GRIK4: variants seen among roughly 807,000 people sequenced by gnomAD.
GRIK4 encodes the protein glutamate receptor ionotropic, kainate 4.
GRIK4 carries 40 observed loss-of-function variants against 104.9 expected under a neutral mutation model. That is an observed-to-expected ratio of 0.38 (90% CI 0.30 to 0.50). The LOEUF is 0.50. GRIK4 is among the 20% of genes least tolerant of loss of function. The pLI is 0.93. For missense variants in GRIK4, 1,047 were observed against 1,308.1 expected, an observed-to-expected ratio of 0.80 and a Z score of 3.08; for synonymous variants, 485 against 524.9, an observed-to-expected ratio of 0.92 and a Z score of 1.04.
intron 8 of GRIK4, among the ~76,000 whole-genome samples, chr11:120,853,274 G>A (rs551965999): frequency 1.3e-5 from 2 of 152,286 alleles, no homozygotes; most frequent in Admixed American, 6.5e-5. Context: ...CTAGCCAAGG[G>A]GTTTCTGTCC....
At chr11:120,854,321 G>A (rs1262132740) in intron 8 of GRIK4, among the ~76,000 whole-genome samples, 1 of 152,194 alleles carries the variant, frequency 6.6e-6, no homozygotes, top group South Asian at 2.1e-4. Flanking sequence ...CTGTTAAGGG[G>A]GTTAAGGATT....
rs114812371 is a variant in GRIK4, at chr11:120,881,771, C to T, written c.1164+6528C>T. Among the ~76,000 whole-genome samples, 220 of 152,296 alleles carry T rather than the reference C, an allele frequency of 1.4e-3. 1 individual carries two copies. Among genetic ancestry groups the T allele is most frequent in the African/African-American group, 5.1e-3 (210 of 41,566 alleles). On this transcript the variant is annotated intron_variant, in intron 11 of 20. Coordinates refer to ENST00000527524, the MANE Select transcript of GRIK4 (RefSeq NM_014619.5). ...ACAAGCCCACACAGAGGCAGCTCTG[C>T]CCCCTTTCCGGGGGAGTTGGGATCC... is the stretch of plus-strand genomic sequence containing the variant.
chr11:120,590,053 C>T (rs776959728), intron 1 of GRIK4, among the ~76,000 whole-genome samples: 6 of 152,190 alleles, frequency 3.9e-5, no homozygotes, highest in Non-Finnish European at 5.9e-5. Context: ...GTGTCCAAGG[C>T]CAAGGTCTGG....
chr11:120,976,939 A>C (rs1565473150), intron 19 of GRIK4, among the ~76,000 whole-genome samples: 2 of 152,212 alleles, frequency 1.3e-5, no homozygotes, highest in African/African-American at 4.8e-5. Context: ...TGAATCCAAG[A>C]AGTGGTTATT....
intron 13 of GRIK4, among the ~76,000 whole-genome samples, chr11:120,935,074 A>C (rs1252747374): frequency 1.3e-5 from 2 of 152,144 alleles, no homozygotes; most frequent in African/African-American, 4.8e-5. Flanking sequence ...GCCATCATCC[A>C]CTTAAGCAAA....
chr11:120,908,701 A>G (rs541485540), intron 13 of GRIK4, among the ~76,000 whole-genome samples: 69 of 152,318 alleles, frequency 4.5e-4, no homozygotes, highest in African/African-American at 1.5e-3. Context: ...CAGAGGCCCT[A>G]TGAAATGATT....
intron 1 of GRIK4, among the ~76,000 whole-genome samples, chr11:120,595,086 T>A (rs929952301): frequency 5.3e-5 from 8 of 152,200 alleles, no homozygotes; most frequent in African/African-American, 1.9e-4. Context: ...GCCTTTATGG[T>A]TCCAGCCACA....
In GRIK4 at chr11:120,874,104, G is replaced by A. The variant is rs1459903390; in HGVS notation, c.945G>A (p.Val315=). ...TGCTGTTTGATGCTGTCTATGCTGT[G>A]GTGACTGCGGTGCAGGAACTGAACC... ...SALLFDAVYA[V]VTAVQELNRS... Residue 315 remains valine (V), a synonymous_variant, in exon 10 of 21, where the codon GTG becomes GTA. Coordinates refer to ENST00000527524, the MANE Select transcript of GRIK4 (RefSeq NM_014619.5). 2 of 1,613,720 alleles carry A rather than the reference G, an allele frequency of 1.2e-6. No individual in the cohort carries two copies. The highest frequency in any genetic ancestry group is 1.7e-6 in the Non-Finnish European group (2 of 1,179,788).
chr11:120,757,636 T>C (rs1003749182), intron 3 of GRIK4, among the ~76,000 whole-genome samples: 1 of 152,150 alleles, frequency 6.6e-6, no homozygotes, highest in Non-Finnish European at 1.5e-5. Flanking sequence ...CTATATTTTA[T>C]TTTTTTGGAT....
rs114485268 is a variant in GRIK4 at position 120,691,388 on chromosome 11, C to T, written c.82+30988C>T. On this transcript the variant is annotated intron_variant, in intron 3 of 20. Transcript: ENST00000527524. ...GTGACCAGCCTTGTGCAAGACACTTCGATGTGTGATTTCAGGGAACTCTCA... is the reference window on the plus strand; with the variant it reads ...GTGACCAGCCTTGTGCAAGACACTTTGATGTGTGATTTCAGGGAACTCTCA... Among the ~76,000 whole-genome samples, 1,182 of 152,156 alleles carry T rather than the reference C, an allele frequency of 7.8e-3. 16 individuals are homozygous for T. Among genetic ancestry groups the T allele is most frequent in the South Asian group, 0.054 (262 of 4,808 alleles).
chr11:120,821,900 C>T (rs950623715), intron 6 of GRIK4, among the ~76,000 whole-genome samples: 29 of 152,110 alleles, frequency 1.9e-4, no homozygotes, highest in African/African-American at 6.0e-4. Context: ...TAAGCAGGGT[C>T]GATGGTCATG....
At chr11:120,533,852 G>A (rs1449493308) in intron 1 of GRIK4, among the ~76,000 whole-genome samples, 2 of 152,204 alleles carry the variant, frequency 1.3e-5, no homozygotes, top group Non-Finnish European at 2.9e-5. Context: ...ACTCCAGCCT[G>A]GGTGACAGAG....
Position 120,653,974 on chromosome 11 carries a change from C to T in GRIK4, c.-51+182C>T, listed in dbSNP as rs573726826. 9.8e-5 allele frequency among the ~76,000 whole-genome samples: 15 copies of T among 152,302 alleles called. No individual in the cohort carries two copies. In the East Asian group the frequency reaches 2.9e-3, roughly 29 times the overall value. ...GCTCCTACCTGTTGGGTGTCGAGAA[C>T]AGGGTTGTCAAATAGATGGGGAATT... On this transcript the variant is annotated intron_variant, in intron 2 of 20. Coordinates refer to ENST00000527524, the MANE Select transcript of GRIK4 (RefSeq NM_014619.5).
In GRIK4 at chr11:120,967,015, G is replaced by A. The variant is rs1944394930; in HGVS notation, c.2267-180G>A. Among the ~76,000 whole-genome samples the A allele has an allele frequency of 6.6e-6, 1 of 152,174 alleles. No homozygotes were observed. The highest frequency in any genetic ancestry group is 6.5e-5 in the Admixed American group (1 of 15,282). ...GCCAGAATGCCCCGCTCTTCCGGGG[G>A]AGCCCCAGTGGAGTAGACAGCACTG... On this transcript the variant is annotated intron_variant, in intron 18 of 20. Coordinates refer to ENST00000527524, the MANE Select transcript of GRIK4 (RefSeq NM_014619.5). The surrounding 1 kb of genome is among the most constrained non-coding windows in gnomAD (Gnocchi z 4.2).
In GRIK4 at chr11:120,875,374, C is replaced by T. The variant is rs140310662; in HGVS notation, c.1164+131C>T. ...AGCAGGCTGGATCCTGGGCAAGGCT[C>T]CTGACCTGCACCAGCCTCTCCCTTC... On this transcript the variant is annotated intron_variant, in intron 11 of 20. Transcript: ENST00000527524. 4.8e-3 allele frequency: 3,224 copies of T among 670,508 alleles called. 68 individuals are homozygous for T. Among genetic ancestry groups the T allele is most frequent in the African/African-American group, 0.048 (2,713 of 56,628 alleles). 41.5% of individuals were successfully genotyped at this position (670,508 alleles called of 1,614,324 possible).
At chr11:120,561,423 G>T (rs1948237409) in intron 1 of GRIK4, among the ~76,000 whole-genome samples, 1 of 152,206 alleles carries the variant, frequency 6.6e-6, no homozygotes, top group Admixed American at 6.5e-5. Flanking sequence ...CACCAGCAAG[G>T]CCTCTGCCTG....
At chr11:120,740,800 T>C (rs544312059) in intron 3 of GRIK4, among the ~76,000 whole-genome samples, 2 of 152,278 alleles carry the variant, frequency 1.3e-5, no homozygotes, top group Admixed American at 1.3e-4. Context: ...TACAATGGCC[T>C]CTCCCACCCT....
intron 3 of GRIK4, among the ~76,000 whole-genome samples, chr11:120,751,128 G>T (rs1951542530): frequency 6.6e-6 from 1 of 152,028 alleles, no homozygotes; most frequent in Non-Finnish European, 1.5e-5. Flanking sequence ...TTTCACCTTG[G>T]CATGGCCCCC....
At chr11:120,834,265 TG>T (rs969248185) in intron 7 of GRIK4, among the ~76,000 whole-genome samples, 3 of 83,076 alleles carry the variant, frequency 3.6e-5, no homozygotes, top group African/African-American at 1.5e-4. Context: ...ACTTTATAGG[TG>T]TGTGTGTGTG....
Sources: allele counts gnomAD v4.1 joint callset (sites outside exome capture counted in the v4.1 genomes callset), GRCh38; gene constraint gnomAD v4.1.1; non-coding constraint Gnocchi (gnomAD v3.1); transcripts MANE v1.5; gene names NCBI Gene and HGNC (gene_info 2026-07-23, HGNC 2026-07-21).